The following WDR70 variants were observed in gnomAD, a reference collection of about 807,000 sequenced individuals.
WDR70 encodes WD repeat-containing protein 70.
In WDR70, 53 loss-of-function variants were observed where a neutral mutation model predicts 88.6. The ratio of observed to expected loss-of-function variants is 0.60; its 90% CI spans 0.48 to 0.75. The LOEUF is 0.75. Ranked by LOEUF, WDR70 falls within the 30% of genes least tolerant of loss-of-function variation. The pLI, the probability that WDR70 is intolerant of heterozygous loss-of-function variation, is 0.00. For missense variants in WDR70, 610 were observed against 823.2 expected (o/e 0.74, Z 3.17); for synonymous variants, 280 against 270.0 (o/e 1.04, Z -0.36).
intron 9 of WDR70, among the ~76,000 whole-genome samples, chr5:37,538,859 C>T (rs2112323554): frequency 6.6e-6 from 1 of 152,196 alleles, no homozygotes; most frequent in East Asian, 1.9e-4. Flanking sequence ...GCTTACTTAT[C>T]CAAAGGAAGT....
chr5:37,733,971 A>G (rs1267215055), intron 17 of WDR70, among the ~76,000 whole-genome samples: 2 of 152,000 alleles, frequency 1.3e-5, no homozygotes, highest in Non-Finnish European at 2.9e-5. Context: ...GTGTATGGAA[A>G]TACTGTGCAG....
At chr5:37,486,331 C>T (rs1739867000) in intron 8 of WDR70, among the ~76,000 whole-genome samples, 1 of 141,596 alleles carries the variant, frequency 7.1e-6, no homozygotes, top group African/African-American at 2.5e-5. Flanking sequence ...GCGATTTAAA[C>T]AAAATTCAAA....
chr5:37,644,872 A>G (rs1312251836), intron 10 of WDR70, among the ~76,000 whole-genome samples: 1 of 150,278 alleles, frequency 6.7e-6, no homozygotes, highest in Admixed American at 6.6e-5. Flanking sequence ...TTTTTTTGTT[A>G]ATTTTTTTGT....
chr5:37,595,176 T>C (rs1236834592), intron 9 of WDR70, among the ~76,000 whole-genome samples: 12 of 152,308 alleles, frequency 7.9e-5, no homozygotes, highest in African/African-American at 2.2e-4. Flanking sequence ...TCCAACACTA[T>C]GTTGAATAGG....
intron 5 of WDR70, among the ~76,000 whole-genome samples, chr5:37,407,479 C>A (rs964948937): frequency 1.3e-5 from 2 of 150,628 alleles, no homozygotes; most frequent in African/African-American, 5.0e-5. Context: ...AGCTAAAAAT[C>A]GTACCACTGT....
intron 3 of WDR70, among the ~76,000 whole-genome samples, chr5:37,389,701 C>T (rs1359930950): frequency 2.6e-5 from 4 of 151,998 alleles, no homozygotes; most frequent in Non-Finnish European, 4.4e-5. Flanking sequence ...CGTGAGCCAC[C>T]GTGCCCGACA....
chr5:37,692,972 G>A (rs898441454), intron 10 of WDR70, among the ~76,000 whole-genome samples: 1 of 152,104 alleles, frequency 6.6e-6, no homozygotes, highest in African/African-American at 2.4e-5. Flanking sequence ...AAACCCCATT[G>A]TCTCATCCCA....
At chr5:37,407,002 A>G (rs1258347318) in intron 5 of WDR70, among the ~76,000 whole-genome samples, 2 of 152,222 alleles carry the variant, frequency 1.3e-5, no homozygotes, top group African/African-American at 2.4e-5. Context: ...AGATTCATTT[A>G]ATAATGTTCA....
At chr5:37,406,014 G>T (rs1749341424) in intron 5 of WDR70, among the ~76,000 whole-genome samples, 2 of 152,122 alleles carry the variant, frequency 1.3e-5, no homozygotes, top group Non-Finnish European at 2.9e-5. Flanking sequence ...CTGTACTCCA[G>T]CCTGAGTGAC....
intron 7 of WDR70, among the ~76,000 whole-genome samples, chr5:37,452,080 T>C (rs185842675): frequency 1.3e-5 from 2 of 152,334 alleles, no homozygotes; most frequent in Admixed American, 1.3e-4. Flanking sequence ...ATTCTCTTTA[T>C]TTTGTTGAAT....
At chr5:37,666,128 C>G (rs546174104) in intron 10 of WDR70, among the ~76,000 whole-genome samples, 1 of 152,232 alleles carries the variant, frequency 6.6e-6, no homozygotes, top group Non-Finnish European at 1.5e-5. Flanking sequence ...GGCTTTCCCT[C>G]CCGTCTAGGC....
At chr5:37,693,618 T>C (rs1746884218) in intron 10 of WDR70, among the ~76,000 whole-genome samples, 1 of 152,184 alleles carries the variant, frequency 6.6e-6, no homozygotes, top group African/African-American at 2.4e-5. Context: ...AGATTCCCTA[T>C]TTAATAAATG....
At chr5:37,428,805 A>G (rs1217334260) in intron 5 of WDR70, among the ~76,000 whole-genome samples, 1 of 152,164 alleles carries the variant, frequency 6.6e-6, no homozygotes, top group Admixed American at 6.6e-5. Flanking sequence ...GTAAGTGTAT[A>G]TTTATAAGAA....
intron 9 of WDR70, among the ~76,000 whole-genome samples, chr5:37,589,715 G>A (rs550897244): frequency 3.6e-4 from 54 of 151,990 alleles, no homozygotes; most frequent in African/African-American, 1.2e-3. Context: ...CGAGTAGCTG[G>A]GATTACAGGT....
At chr5:37,622,252 G>T (rs1458495492) in intron 10 of WDR70, among the ~76,000 whole-genome samples, 2 of 152,040 alleles carry the variant, frequency 1.3e-5, no homozygotes, top group South Asian at 2.1e-4. Flanking sequence ...ACAGGTGCTG[G>T]AGAGGATGTG....
At chr5:37,479,143 G>C (rs547346777) in intron 7 of WDR70, among the ~76,000 whole-genome samples, 2 of 152,172 alleles carry the variant, frequency 1.3e-5, no homozygotes, top group East Asian at 3.9e-4. Context: ...TGAAAGAGGA[G>C]GAGGAAGAAA....
intron 17 of WDR70, among the ~76,000 whole-genome samples, chr5:37,734,122 C>T (rs1748233617): frequency 6.6e-6 from 1 of 151,792 alleles, no homozygotes; most frequent in African/African-American, 2.4e-5. Context: ...GTAAGTGTAC[C>T]TCCTCCTTTC....
chr5:37,704,572 C>T (rs535899480), intron 13 of WDR70, among the ~76,000 whole-genome samples: 1 of 152,320 alleles, frequency 6.6e-6, no homozygotes, highest in Non-Finnish European at 1.5e-5. Flanking sequence ...GTACTTACCA[C>T]TGCCTCATAT....
intron 9 of WDR70, among the ~76,000 whole-genome samples, chr5:37,531,595 T>TTC (rs1163337226): frequency 6.8e-6 from 1 of 146,136 alleles, no homozygotes; most frequent in Non-Finnish European, 1.5e-5. Flanking sequence ...TTCTTTTTTT[T>TTC]TTTTTTTTTT....
Sources: gnomAD v4.1 joint callset for allele counts (sites outside exome capture counted in the v4.1 genomes callset) on GRCh38, gnomAD v4.1.1 for gene constraint, MANE v1.5 for transcripts, NCBI Gene and HGNC (gene_info 2026-07-23, HGNC 2026-07-21) for gene names.